Variants in NAV2 observed in about 807,000 individuals in gnomAD.
The protein encoded by NAV2 is neuron navigator 2, also known as helicase, APC down-regulated 1.
A neutral mutation model predicts 223.2 loss-of-function variants in NAV2; 54 were observed. The ratio of observed to expected loss-of-function variants is 0.24; its 90% CI spans 0.19 to 0.30. The LOEUF (loss-of-function observed/expected upper bound fraction) is 0.30, where lower values mean the gene tolerates loss of function less well. NAV2 is among the 10% of genes least tolerant of loss of function. NAV2 has a pLI of 1.00. For missense variants in NAV2, 2,806 were observed against 3,147.5 expected (o/e 0.89, Z 2.60); for synonymous variants, 1,279 against 1,239.3 (o/e 1.03, Z -0.67).
intron 1 of NAV2, among the ~76,000 whole-genome samples, chr11:19,621,175 G>T (rs1022283986): frequency 6.6e-6 from 1 of 152,172 alleles, no homozygotes; most frequent in Non-Finnish European, 1.5e-5. Context: ...GTATTTTACT[G>T]AGGATTTTTG....
chr11:19,449,431 C>T (rs1054726565), intron 1 of NAV2, among the ~76,000 whole-genome samples: 2 of 151,858 alleles, frequency 1.3e-5, no homozygotes, highest in African/African-American at 4.8e-5. Flanking sequence ...CGAGAAGGAA[C>T]AGCCACAGGC....
At chr11:20,110,018 C>T (rs1332306618) in intron 36 of NAV2, among the ~76,000 whole-genome samples, 1 of 152,186 alleles carries the variant, frequency 6.6e-6, no homozygotes, top group Non-Finnish European at 1.5e-5. Flanking sequence ...CCCCTTCCCA[C>T]CTAGGAGAGG....
chr11:19,584,828 TGTG>T (rs2045841626), intron 1 of NAV2, among the ~76,000 whole-genome samples: 1 of 152,196 alleles, frequency 6.6e-6, no homozygotes, highest in African/African-American at 2.4e-5. Flanking sequence ...ATAGGTGTGA[TGTG>T]GTGCTGAAAA....
intron 1 of NAV2, among the ~76,000 whole-genome samples, chr11:19,644,837 G>A (rs368798877): frequency 6.6e-6 from 1 of 152,210 alleles, no homozygotes; most frequent in African/African-American, 2.4e-5. Context: ...ACAAAGGTAT[G>A]GACCAGTTTA....
chr11:19,506,207 C>T (rs959625014), intron 1 of NAV2: 1 of 152,352 alleles, frequency 6.6e-6, no homozygotes, highest in Admixed American at 6.5e-5. Flanking sequence ...CCAGTTCCCA[C>T]CCCATGCTGG....
chr11:19,812,153 C>T (rs773292801), intron 1 of NAV2, among the ~76,000 whole-genome samples: 4 of 152,090 alleles, frequency 2.6e-5, no homozygotes, highest in Non-Finnish European at 4.4e-5. Context: ...GCTGCCACCC[C>T]CCACAATTTC....
At chr11:19,403,323 C>A (rs1224285315) in intron 1 of NAV2, among the ~76,000 whole-genome samples, 2 of 152,148 alleles carry the variant, frequency 1.3e-5, no homozygotes, top group African/African-American at 2.4e-5. Flanking sequence ...GGGGAGATAG[C>A]AAAGCATACC....
In NAV2 at chr11:20,018,348, C is replaced by T. The variant is rs1372022693; in HGVS notation, c.2769-17611C>T. On this transcript the variant is annotated intron_variant, in intron 11 of 37. Coordinates refer to ENST00000349880, the MANE Select transcript of NAV2 (RefSeq NM_145117.5). The stretch of plus-strand genomic sequence containing the variant: ...CAGCCTGGGCGACAGAGTGAGATTC[C>T]ATCTCAAAAAAAAAAAAAAAAAAAA... Among the ~76,000 whole-genome samples, 11 of 54,760 alleles carry T rather than the reference C, an allele frequency of 2.0e-4. 1 individual carries two copies. In the Admixed American group the frequency reaches 3.2e-3, roughly 16 times the overall value. 35.9% of individuals were successfully genotyped at this position (54,760 alleles called of 152,430 possible).
chr11:19,445,919 A>C (rs1777447729), intron 1 of NAV2, among the ~76,000 whole-genome samples: 1 of 152,162 alleles, frequency 6.6e-6, no homozygotes, highest in South Asian at 2.1e-4. Context: ...AGAAATACTG[A>C]GGCAGAAAGC....
chr11:19,687,803 G>GAAC lies in NAV2; in HGVS notation c.76-144680_76-144678dup. Among the ~76,000 whole-genome samples the GAAC allele has an allele frequency of 2.7e-5, 4 of 148,132 alleles. 1 individual carries two copies. The Admixed American group carries it at 2.7e-4, about 10-fold the overall frequency. ...TGCATGCGTGTGTGTGTGTGTGTGTGAACTTTGTTGGCAGGAGGGAGGCCA... is the reference window on the plus strand; with the variant it reads ...TGCATGCGTGTGTGTGTGTGTGTGTGAACAACTTTGTTGGCAGGAGGGAGGCCA... On this transcript the variant is annotated intron_variant, in intron 1 of 37. Coordinates refer to the NAV2 transcript ENST00000360655.
chr11:19,987,078 T>C (rs779720514), intron 11 of NAV2, among the ~76,000 whole-genome samples: 1 of 152,234 alleles, frequency 6.6e-6, no homozygotes, highest in Non-Finnish European at 1.5e-5. Flanking sequence ...ACATCAAACC[T>C]GTGATTTTAC....
intron 35 of NAV2, among the ~76,000 whole-genome samples, chr11:20,106,068 A>T (rs2062006553): frequency 6.6e-6 from 1 of 150,576 alleles, no homozygotes; most frequent in South Asian, 2.1e-4. Context: ...TTTAGAACAG[A>T]GAAAAAAGAT....
chr11:19,488,446 A>G (rs192478963), intron 1 of NAV2, among the ~76,000 whole-genome samples: 1 of 152,294 alleles, frequency 6.6e-6, no homozygotes, highest in Admixed American at 6.5e-5. Flanking sequence ...CGCATTATGA[A>G]TTATGCTTAA....
chr11:20,112,640 G>T (rs1235784425), intron 36 of NAV2, among the ~76,000 whole-genome samples: 3 of 152,188 alleles, frequency 2.0e-5, no homozygotes, highest in African/African-American at 7.2e-5. Flanking sequence ...GTCTGGCTGA[G>T]TCACGTGGCT....
At chr11:19,345,353 T>C in the NAV2 span, among the ~76,000 whole-genome samples, 1 of 152,176 alleles carries the variant, frequency 6.6e-6, no homozygotes, top group Non-Finnish European at 1.5e-5. The surrounding 1 kb of genome is among the most constrained non-coding windows in gnomAD (Gnocchi z 5.2). Flanking sequence ...CGGGTCTGGC[T>C]GGACTGCCCG....
intron 32 of NAV2, among the ~76,000 whole-genome samples, chr11:20,102,846 TC>T (rs1227324307): frequency 6.6e-6 from 1 of 152,120 alleles, no homozygotes; most frequent in Non-Finnish European, 1.5e-5. Context: ...TAGACTTGTC[TC>T]CCCAATGCTG....
intron 1 of NAV2, among the ~76,000 whole-genome samples, chr11:19,410,062 T>C (rs1384188957): frequency 6.6e-6 from 1 of 152,152 alleles, no homozygotes; most frequent in African/African-American, 2.4e-5. Flanking sequence ...CCACAGCTTC[T>C]CCCTGCCAAT....
chr11:19,688,617 C>T (rs750040915), intron 1 of NAV2, among the ~76,000 whole-genome samples: 2 of 152,184 alleles, frequency 1.3e-5, no homozygotes, highest in Middle Eastern at 3.2e-3. Context: ...GCTCTGCTAT[C>T]AGGAAGCTTT....
intron 1 of NAV2, among the ~76,000 whole-genome samples, chr11:19,688,371 A>G (rs1285582690): frequency 6.6e-6 from 1 of 152,176 alleles, no homozygotes; most frequent in Admixed American, 6.5e-5. Flanking sequence ...GGGCACCATG[A>G]ATGTTCATCC....
Sources: gnomAD v4.1 joint callset for allele counts (sites outside exome capture counted in the v4.1 genomes callset) on GRCh38, gnomAD v4.1.1 for gene constraint, Gnocchi (gnomAD v3.1) non-coding constraint, MANE v1.5 for transcripts, NCBI Gene and HGNC (gene_info 2026-07-23, HGNC 2026-07-21) for gene names.